The following CD274 variants were observed in gnomAD, a reference collection of about 807,000 sequenced individuals.
CD274 encodes CD274 molecule, also known as programmed cell death 1 ligand 1.
CD274 carries 8 observed loss-of-function variants against 30.1 expected under a neutral mutation model. The observed-to-expected ratio is 0.27, with a 90% CI of 0.16 to 0.48. The LOEUF is 0.48. Ranked by LOEUF, CD274 falls within the 20% of genes least tolerant of loss-of-function variation. CD274 has a pLI of 0.99. For synonymous variants in CD274, 152 were observed against 124.6 expected, an observed-to-expected ratio of 1.22 and a Z score of -1.46; for missense variants, 353 against 346.6, an observed-to-expected ratio of 1.02 and a Z score of -0.15.
At chr9:5,465,932 C>G (rs1819491401) in intron 5 of CD274, 1 of 179,440 alleles carries the variant, frequency 5.6e-6, no homozygotes, top group East Asian at 1.4e-4. Context: ...GCATTAGTTG[C>G]AACCAGCTGG....
At chr9:5,459,956 A>T (rs949418697) in intron 3 of CD274, among the ~76,000 whole-genome samples, 10 of 151,778 alleles carry the variant, frequency 6.6e-5, no homozygotes, top group African/African-American at 2.4e-4. Context: ...ATCTCTATCT[A>T]GTATATTGTG....
At chr9:5,458,485 T>C (rs141608538) in intron 3 of CD274, among the ~76,000 whole-genome samples, 13 of 152,198 alleles carry the variant, frequency 8.5e-5, no homozygotes, top group Non-Finnish European at 1.6e-4. Context: ...CTTTTAATAT[T>C]TGACTAGAAT....
At chr9:5,455,887 T>G (rs968195264) in intron 1 of CD274, among the ~76,000 whole-genome samples, 5 of 148,928 alleles carry the variant, frequency 3.4e-5, no homozygotes, top group African/African-American at 1.0e-4. Flanking sequence ...CTTCTCATCT[T>G]TTAGTAACTT....
chr9:5,458,361 G>A (rs546828453), intron 3 of CD274, among the ~76,000 whole-genome samples: 1 of 152,262 alleles, frequency 6.6e-6, no homozygotes, highest in East Asian at 1.9e-4. Flanking sequence ...TCCCACAATG[G>A]CCTCCCTGCC....
At position 5,456,124 on chromosome 9, in the gene CD274, T is replaced by G. The variant is rs748476315; in HGVS notation, c.11T>G (p.Phe4Cys). The change falls in exon 2 of 7, where the codon TTT becomes TGT. Residue 4 changes from phenylalanine (F) to cysteine (C), a missense_variant. Phe to Cys is a radical substitution (Grantham distance 205). Transcript: ENST00000381577. ...GGGCATTCCAGAAAGATGAGGATAT[T>G]TGCTGTCTTTATATTCATGACCTAC... MRI[F>C]AVFIFMTYWH... is the part of the protein sequence containing the mutation. 6.2e-7 allele frequency: 1 copy of G among 1,607,676 alleles called. No homozygotes were observed. Among genetic ancestry groups the G allele is most frequent in the Non-Finnish European group, 8.5e-7 (1 of 1,174,440 alleles).
chr9:5,452,223 G>A (rs145323271), intron 1 of CD274, among the ~76,000 whole-genome samples: 161 of 151,882 alleles, frequency 1.1e-3, no homozygotes, highest in Non-Finnish European at 2.0e-3. Flanking sequence ...CACCATATTG[G>A]CCAGGCTGAT....
Position 5,469,520 on chromosome 9 carries a change from T to C in CD274, c.*1658T>C, listed in dbSNP as rs903461539. 1.3e-5 allele frequency: 3 copies of C among 231,486 alleles called. No homozygotes were observed. The highest frequency in any genetic ancestry group is 2.6e-5 in the Non-Finnish European group (3 of 117,010). The allele number at this position is 231,486 out of a possible 1,614,324, so 14.3% of individuals were successfully genotyped here. A position where few individuals can be genotyped will look rare whatever the true frequency, so the allele number is the denominator to read the frequency against. ...ATTTTTTTCCTAAATAGTAACACATTGTATGTCTGCTGTGTACTTTGCTAT... is the reference window on the plus strand; with the variant it reads ...ATTTTTTTCCTAAATAGTAACACATCGTATGTCTGCTGTGTACTTTGCTAT... On this transcript the variant is annotated 3_prime_UTR_variant, in exon 7 of 7. Coordinates refer to ENST00000381577, the MANE Select transcript of CD274 (RefSeq NM_014143.4).
chr9:5,465,437 G>A (rs1819480713), intron 4 of CD274, 62 bp from the exon 5 acceptor site: 1 of 938,660 alleles, frequency 1.1e-6, no homozygotes, highest in Non-Finnish European at 1.7e-6. Context: ...CCATTCTCCT[G>A]ACCCCTTCCC....
At chr9:5,458,899 CTT>C (rs1426551087) in intron 3 of CD274, among the ~76,000 whole-genome samples, 1 of 152,162 alleles carries the variant, frequency 6.6e-6, no homozygotes, top group African/African-American at 2.4e-5. Context: ...ATCATCATGA[CTT>C]AGCCTCATCA....
At chr9:5,456,051 G>C (rs1819295852) in intron 1 of CD274, 49 bp from the exon 2 acceptor site, 1 of 1,026,148 alleles carries the variant, frequency 9.7e-7, no homozygotes, top group East Asian at 2.4e-5. Flanking sequence ...CATATTGTAT[G>C]TTTAATTATT....
chr9:5,464,268 G>C (rs191079844), intron 4 of CD274, among the ~76,000 whole-genome samples: 1 of 152,260 alleles, frequency 6.6e-6, no homozygotes, highest in East Asian at 1.9e-4. Flanking sequence ...GTGGCCTACA[G>C]TAACTCACCT....
chr9:5,468,083 T>A lies in CD274; in HGVS notation c.*221T>A, dbSNP rs1374188148. ...GAGCCTGGAGGGAGACCTTGATACT[T>A]TCAAATGCCTGAGGGGCTCATCGAC... On this transcript the variant is annotated 3_prime_UTR_variant, in exon 7 of 7. Transcript: ENST00000381577. 3.4e-6 allele frequency: 2 copies of A among 579,734 alleles called. No homozygotes were observed. The highest frequency in any genetic ancestry group is 3.8e-5 in the African/African-American group (2 of 53,228). 35.9% of individuals were successfully genotyped at this position (579,734 alleles called of 1,614,324 possible).
chr9:5,452,325 T>C (rs1819221541), intron 1 of CD274, among the ~76,000 whole-genome samples: 1 of 152,166 alleles, frequency 6.6e-6, no homozygotes, highest in African/African-American at 2.4e-5. Context: ...CTGCTTAACT[T>C]TTTCTCTATC....
chr9:5,465,238 A>T (rs1257005187), intron 4 of CD274, among the ~76,000 whole-genome samples: 1 of 152,244 alleles, frequency 6.6e-6, no homozygotes, highest in Admixed American at 6.5e-5. Context: ...CTGGTTAAGT[A>T]TCTTGCCCAA....
intron 1 of CD274, among the ~76,000 whole-genome samples, chr9:5,455,850 C>T (rs12344204): frequency 0.026 from 3,988 of 151,984 alleles, 156 homozygotes; most frequent in African/African-American, 0.089. Context: ...ATTTTTTTCA[C>T]GGCCTGTAAC....
chr9:5,461,250 T>C (rs1233881347), intron 3 of CD274, among the ~76,000 whole-genome samples: 2 of 152,190 alleles, frequency 1.3e-5, no homozygotes, highest in African/African-American at 4.8e-5. Context: ...CTCTGGGTTG[T>C]GCTTGAATTA....
At chr9:5,461,983 T>C (rs1277870641) in intron 3 of CD274, among the ~76,000 whole-genome samples, 1 of 152,162 alleles carries the variant, frequency 6.6e-6, no homozygotes, top group Non-Finnish European at 1.5e-5. Flanking sequence ...GTTTAGTTAT[T>C]AATAATGTAC....
At chr9:5,453,936 G>T (rs1462592560) in intron 1 of CD274, among the ~76,000 whole-genome samples, 8 of 152,146 alleles carry the variant, frequency 5.3e-5, no homozygotes, top group African/African-American at 1.9e-4. Context: ...AATGTTTCCA[G>T]GCATCACCAG....
rs1288415669 is a variant in CD274, at chr9:5,457,495, G to GT, written c.394+76dup. On this transcript the variant is annotated intron_variant, in intron 3 of 6. Transcript: ENST00000381577. ...CAAGTGTTGAAGACTTTTCATTCTT[G>GT]TAAGTCCATACTTATTTTCAAACAG... The GT allele has an allele frequency of 6.2e-5, 72 of 1,167,732 alleles. No homozygotes were observed. The East Asian group carries it at 1.7e-3, about 28-fold the overall frequency. The allele number at this position is 1,167,732 out of a possible 1,614,324, so 72.3% of individuals were successfully genotyped here.
Sources: gnomAD v4.1 joint callset for allele counts (sites outside exome capture counted in the v4.1 genomes callset) on GRCh38, gnomAD v4.1.1 for gene constraint, MANE v1.5 for transcripts, NCBI Gene and HGNC (gene_info 2026-07-23, HGNC 2026-07-21) for gene names.